MECOM: variants seen among roughly 807,000 people sequenced by gnomAD.
MECOM encodes the protein histone-lysine N-methyltransferase MECOM.
Under a neutral mutation model 116.3 loss-of-function variants are expected in MECOM, and 13 were observed. The ratio of observed to expected loss-of-function variants is 0.11; its 90% CI spans 0.07 to 0.18. MECOM has a LOEUF of 0.18. MECOM is among the 10% of genes least tolerant of loss of function. The pLI is 1.00. For synonymous variants in MECOM, 528 were observed against 535.2 expected, an observed-to-expected ratio of 0.99 and a Z score of 0.19; for missense variants, 1,299 against 1,509.0, an observed-to-expected ratio of 0.86 and a Z score of 2.31.
intron 1 of MECOM, among the ~76,000 whole-genome samples, chr3:169,532,516 G>C (rs994784159): frequency 1.3e-5 from 2 of 152,282 alleles, no homozygotes; most frequent in African/African-American, 4.8e-5. Context: ...TGCTAGATGA[G>C]CACTTTGTCT....
chr3:169,201,631 A>C (rs1577331376), intron 2 of MECOM, among the ~76,000 whole-genome samples: 1 of 152,148 alleles, frequency 6.6e-6, no homozygotes. Context: ...TTTTTGGTGG[A>C]TTTTTCACCA....
chr3:169,094,103 T>C (rs1021364747), intron 13 of MECOM, among the ~76,000 whole-genome samples: 1 of 152,192 alleles, frequency 6.6e-6, no homozygotes, highest in African/African-American at 2.4e-5. Flanking sequence ...AAAACTATGA[T>C]CATTAAATTG....
intron 2 of MECOM, among the ~76,000 whole-genome samples, chr3:169,244,466 A>G (rs2149561553): frequency 6.6e-6 from 1 of 152,322 alleles, no homozygotes; most frequent in Admixed American, 6.5e-5. Context: ...CTTCTCAGCC[A>G]CAGGCGATCT....
chr3:169,265,470 T>C (rs1758158999), intron 2 of MECOM, among the ~76,000 whole-genome samples: 1 of 152,262 alleles, frequency 6.6e-6, no homozygotes, highest in Non-Finnish European at 1.5e-5. Context: ...TTTGTAGTTC[T>C]AAATATCCAT....
intron 1 of MECOM, among the ~76,000 whole-genome samples, chr3:169,450,276 G>C (rs565558763): frequency 6.6e-6 from 1 of 152,102 alleles, no homozygotes; most frequent in Admixed American, 6.6e-5. Flanking sequence ...GGAAATTCAC[G>C]ATTTAGTACT....
chr3:169,093,725 C>T (rs1037408427), intron 13 of MECOM, among the ~76,000 whole-genome samples: 3 of 152,290 alleles, frequency 2.0e-5, no homozygotes, highest in Non-Finnish European at 4.4e-5. Context: ...TCACAATACC[C>T]GTATCACTGG....
At chr3:169,579,800 C>T (rs4122246) in intron 1 of MECOM, among the ~76,000 whole-genome samples, 35,373 of 152,010 alleles carry the variant, frequency 0.23, 4,962 homozygotes, top group East Asian at 0.7. Context: ...AGTGAAATCC[C>T]AACTAGCTGA....
rs369509057 is a variant in MECOM, at chr3:169,301,573, G to C, written c.375+79614C>G. Among the ~76,000 whole-genome samples, 23 of 152,166 alleles carry C rather than the reference G, an allele frequency of 1.5e-4. No individual in the cohort carries two copies. In the East Asian group the frequency reaches 2.9e-3, roughly 19 times the overall value. On this transcript the variant is annotated intron_variant, in intron 2 of 16. Coordinates refer to ENST00000651503, the MANE Select transcript of MECOM (RefSeq NM_004991.4). The stretch of plus-strand genomic sequence containing the variant: ...TGAATGAGACCCTGAAATTTAAGGA[G>C]GCAGAATAATGGTTTGCAGGTGTGA...
At position 169,089,051 on chromosome 3, in the gene MECOM, GGAA is replaced by G; in HGVS notation, c.3531_3533del (p.Ser1178del). On this transcript the variant is annotated inframe_deletion, in exon 16 of 17. Transcript: ENST00000651503. ...GCTGCTTAAGTTCCTCTGGCACATG[GGAA>G]GTACTAAAAGAAGACAGCTCAGCTT... 1 of 1,606,846 alleles carries G rather than the reference GGAA, an allele frequency of 6.2e-7. No individual in the cohort carries two copies. Among genetic ancestry groups the G allele is most frequent in the Non-Finnish European group, 8.5e-7 (1 of 1,177,224 alleles).
At chr3:169,391,795 A>T (rs1345654744) in intron 1 of MECOM, among the ~76,000 whole-genome samples, 1 of 152,140 alleles carries the variant, frequency 6.6e-6, no homozygotes, top group African/African-American at 2.4e-5. Flanking sequence ...TGGTCTCTGG[A>T]AATTGTCATT....
At chr3:169,479,850 G>A (rs1751030005) in intron 1 of MECOM, among the ~76,000 whole-genome samples, 1 of 152,084 alleles carries the variant, frequency 6.6e-6, no homozygotes, top group Non-Finnish European at 1.5e-5. Context: ...TCTGTCCCAG[G>A]CACTGTGCCA....
At chr3:169,553,167 C>A (rs1467636696) in intron 1 of MECOM, among the ~76,000 whole-genome samples, 1 of 151,856 alleles carries the variant, frequency 6.6e-6, no homozygotes, top group Non-Finnish European at 1.5e-5. Context: ...TTCATGATAT[C>A]TCATTCAATC....
intron 2 of MECOM, among the ~76,000 whole-genome samples, chr3:169,360,908 G>C (rs916316898): frequency 6.6e-6 from 1 of 151,792 alleles, no homozygotes; most frequent in Non-Finnish European, 1.5e-5. Context: ...AAAGCATGCG[G>C]ATCTTCCCCT....
intron 1 of MECOM, among the ~76,000 whole-genome samples, chr3:169,508,502 ACACACAT>A (rs1362353436): frequency 2.0e-5 from 3 of 147,332 alleles, no homozygotes; most frequent in Non-Finnish European, 3.0e-5. Flanking sequence ...AGAAGAGTAA[ACACACAT>A]ACACACTCAC....
chr3:169,184,478 G>C (rs927018146), intron 2 of MECOM, among the ~76,000 whole-genome samples: 5 of 152,166 alleles, frequency 3.3e-5, no homozygotes, highest in East Asian at 1.9e-4. Context: ...GTCTAACAAG[G>C]CTGGCTTTCT....
chr3:169,449,060 T>A (rs1268946367), intron 1 of MECOM, among the ~76,000 whole-genome samples: 1 of 152,148 alleles, frequency 6.6e-6, no homozygotes, highest in Non-Finnish European at 1.5e-5. Flanking sequence ...CTTAACATTT[T>A]GAAAGCAAAG....
chr3:169,325,202 C>T (rs1472915298), intron 2 of MECOM, among the ~76,000 whole-genome samples: 2 of 152,134 alleles, frequency 1.3e-5, no homozygotes, highest in Admixed American at 6.5e-5. Flanking sequence ...TACGGGTCCG[C>T]TTGTTTTTGC....
intron 6 of MECOM, among the ~76,000 whole-genome samples, chr3:169,121,480 T>A (rs1560204920): frequency 6.6e-6 from 1 of 152,124 alleles, no homozygotes; most frequent in Non-Finnish European, 1.5e-5. Context: ...TTCAAGGCCT[T>A]TTTGATACCA....
At chr3:169,157,144 A>C (rs1171813448) in intron 2 of MECOM, among the ~76,000 whole-genome samples, 1 of 152,192 alleles carries the variant, frequency 6.6e-6, no homozygotes, top group Non-Finnish European at 1.5e-5. Context: ...GTTCTATTGA[A>C]CGTGCTTGCT....
Sources: gnomAD v4.1 joint callset for allele counts (sites outside exome capture counted in the v4.1 genomes callset) on GRCh38, gnomAD v4.1.1 for gene constraint, MANE v1.5 for transcripts, NCBI Gene and HGNC (gene_info 2026-07-23, HGNC 2026-07-21) for gene names.